PRKAG2: variants seen among roughly 807,000 people sequenced by gnomAD.
PRKAG2 encodes 5'-AMP-activated protein kinase subunit gamma-2.
A neutral mutation model predicts 69.6 loss-of-function variants in PRKAG2; 26 were observed. The observed-to-expected ratio is 0.37, with a 90% CI of 0.27 to 0.52. The LOEUF is 0.52. Among genes scored for constraint, PRKAG2 ranks in the 20% least tolerant of loss-of-function variants. The probability of loss-of-function intolerance (pLI) is 0.90; values close to 1 mark genes in which losing one functional copy is unlikely to be tolerated. For synonymous variants in PRKAG2, 293 were observed against 285.0 expected (o/e 1.03, Z -0.28); for missense variants, 557 against 740.0 (o/e 0.75, Z 2.87).
At position 151,583,449 on chromosome 7, in the gene PRKAG2, C is replaced by T. The variant is rs964993595; in HGVS notation, c.865-6997G>A. Among the ~76,000 whole-genome samples the T allele has an allele frequency of 6.6e-6, 1 of 152,312 alleles. No individual in the cohort carries two copies. Among genetic ancestry groups the T allele is most frequent in the East Asian group, 1.9e-4 (1 of 5,186 alleles). On this transcript the variant is annotated intron_variant, in intron 6 of 15. Coordinates refer to ENST00000287878, the MANE Select transcript of PRKAG2 (RefSeq NM_016203.4). This position sits in a 1 kb window ranked among gnomAD's most constrained non-coding sequence, Gnocchi z 4.1. ...ATTAAAGAGCAGTGTCCTGGGTGAG[C>T]TCGGGAGGGGCCTGACGCTTCTGTG...
chr7:151,604,186 G>C (rs1816925081), intron 5 of PRKAG2, among the ~76,000 whole-genome samples: 1 of 152,178 alleles, frequency 6.6e-6, no homozygotes, highest in South Asian at 2.1e-4. Context: ...CTCCCTGCGT[G>C]GGCTTCCTCC....
chr7:151,560,585 A>G lies in PRKAG2; in HGVS notation c.1617T>C (p.Asp539=). ...VHRLVVVNEA[D]SIVGIISLSD... ...ACAGGGAAATAATACCCACAATACT[A>G]TCTGCTTCATTTACCACCACCAGCC... is the stretch of plus-strand genomic sequence containing the variant. The change falls in exon 15 of 16, where the codon GAT becomes GAC. Residue 539 remains aspartate, a synonymous_variant. Coordinates refer to ENST00000287878, the MANE Select transcript of PRKAG2 (RefSeq NM_016203.4). The G allele has an allele frequency of 6.2e-7, 1 of 1,613,836 alleles. No individual in the cohort carries two copies. The highest frequency in any genetic ancestry group is 8.5e-7 in the Non-Finnish European group (1 of 1,179,734).
chr7:151,694,763 G>C (rs774587202), intron 3 of PRKAG2, among the ~76,000 whole-genome samples: 8 of 152,202 alleles, frequency 5.3e-5, no homozygotes, highest in Non-Finnish European at 7.4e-5. Context: ...GCCCCTCCTA[G>C]GTCTGCAGCT....
intron 1 of PRKAG2, among the ~76,000 whole-genome samples, chr7:151,872,561 G>A (rs1231925108): frequency 2.0e-5 from 3 of 152,224 alleles, no homozygotes; most frequent in African/African-American, 4.8e-5. Context: ...GGGTTACACT[G>A]TGGATCCCCA....
intron 15 of PRKAG2, 115 bp from the exon 16 acceptor site, chr7:151,557,347 G>A (rs531808525): frequency 2.2e-5 from 36 of 1,608,038 alleles, no homozygotes; most frequent in Non-Finnish European, 2.8e-5. Context: ...CAGAGGCTTC[G>A]GAGGAGGGCG....
At chr7:151,681,139 C>T (rs891663728) in intron 3 of PRKAG2, among the ~76,000 whole-genome samples, 8 of 152,194 alleles carry the variant, frequency 5.3e-5, no homozygotes, top group African/African-American at 1.9e-4. Flanking sequence ...CGTGTGAGTA[C>T]TGGAATGATC....
chr7:151,762,648 G>A (rs1586355313), intron 3 of PRKAG2, among the ~76,000 whole-genome samples: 1 of 152,216 alleles, frequency 6.6e-6, no homozygotes, highest in South Asian at 2.1e-4. Flanking sequence ...GCACCTCTGA[G>A]CTGTGTGCCG....
rs150249375 is a variant in PRKAG2 at position 151,704,039 on chromosome 7, A to G, written c.467-28402T>C. On this transcript the variant is annotated intron_variant, in intron 3 of 15. Transcript: ENST00000287878. Reference sequence around the variant, plus strand: ...ATTGCGCCATTGCACTCCAGCCTGGATGACAGACCGAGACTCTGTCTCAAA... The same window carrying G: ...ATTGCGCCATTGCACTCCAGCCTGGGTGACAGACCGAGACTCTGTCTCAAA... Among the ~76,000 whole-genome samples the G allele has an allele frequency of 7.9e-5, 12 of 151,886 alleles. No individual in the cohort carries two copies. The East Asian group carries it at 1.4e-3, about 17-fold the overall frequency.
At chr7:151,701,660 G>A (rs759810254) in intron 3 of PRKAG2, among the ~76,000 whole-genome samples, 1 of 152,052 alleles carries the variant, frequency 6.6e-6, no homozygotes, top group Admixed American at 6.5e-5. Flanking sequence ...TGGCTAACAC[G>A]GTGAAACCCC....
chr7:151,719,131 C>T lies in PRKAG2; in HGVS notation c.467-43494G>A, dbSNP rs1009923895. Among the ~76,000 whole-genome samples, 2 of 152,160 alleles carry T rather than the reference C, an allele frequency of 1.3e-5. No homozygotes were observed. Among genetic ancestry groups the T allele is most frequent in the Non-Finnish European group, 2.9e-5 (2 of 68,028 alleles). ...GCCACCCTGTTCCCCGAGCGTTGCT[C>T]CGGGAGACGAGATGTATCTTGCAAC... On this transcript the variant is annotated intron_variant, in intron 3 of 15. Coordinates refer to ENST00000287878, the MANE Select transcript of PRKAG2 (RefSeq NM_016203.4). The surrounding 1 kb of genome is among the most constrained non-coding windows in gnomAD (Gnocchi z 5.2).
chr7:151,806,872 A>ACGAGAAT (rs1278408255), intron 1 of PRKAG2: 1 of 415,338 alleles, frequency 2.4e-6, no homozygotes, highest in Non-Finnish European at 4.7e-6. Context: ...AGGCTGAGCC[A>ACGAGAAT]CGAGAATCGC....
intron 2 of PRKAG2, among the ~76,000 whole-genome samples, chr7:151,782,881 A>C (rs1349645564): frequency 6.6e-6 from 1 of 152,198 alleles, no homozygotes; most frequent in Non-Finnish European, 1.5e-5. Flanking sequence ...CTCAGAGATG[A>C]CCCAGTTCAG....
intron 3 of PRKAG2, among the ~76,000 whole-genome samples, chr7:151,717,872 T>C (rs1039896994): frequency 3.3e-5 from 5 of 152,232 alleles, no homozygotes; most frequent in African/African-American, 1.2e-4. Context: ...AGAAAGGAGC[T>C]GGCCTTGACC....
At chr7:151,786,357 G>C in intron 2 of PRKAG2, 113 bp downstream of exon 2, 1 of 1,020,322 alleles carries the variant, frequency 9.8e-7, no homozygotes, top group Non-Finnish European at 1.5e-6. Context: ...GTGTGCAAGC[G>C]GACATGCGGG....
At chr7:151,743,016 C>G (rs1460723300) in intron 3 of PRKAG2, among the ~76,000 whole-genome samples, 1 of 152,130 alleles carries the variant, frequency 6.6e-6, no homozygotes. Flanking sequence ...CACTCACAGG[C>G]GGATGGGGAC....
At chr7:151,672,074 A>G (rs1264669729) in intron 4 of PRKAG2, among the ~76,000 whole-genome samples, 1 of 150,462 alleles carries the variant, frequency 6.6e-6, no homozygotes. Context: ...CTGGGATTAC[A>G]GGCGTGAGCC....
Position 151,568,273 on chromosome 7 carries a change from G to T in PRKAG2, c.1233+443C>A, listed in dbSNP as rs533717046. 6.6e-4 allele frequency among the ~76,000 whole-genome samples: 100 copies of T among 152,278 alleles called. 1 individual carries two copies. The Middle Eastern group carries it at 0.02, about 31-fold the overall frequency. ...ATTTGCTTCGGGTTTTTCTATCACT[G>T]CTGCAGTTTATAAGATAATCTTGAG... On this transcript the variant is annotated intron_variant, in intron 11 of 15. Coordinates refer to ENST00000287878, the MANE Select transcript of PRKAG2 (RefSeq NM_016203.4).
chr7:151,786,356 CGGACATGCGGGT>C (rs1563672438), intron 2 of PRKAG2, 102 bp downstream of exon 2: 1 of 1,017,232 alleles, frequency 9.8e-7, no homozygotes, highest in African/African-American at 1.6e-5. Flanking sequence ...GGTGTGCAAG[CGGACATGCGGGT>C]GGGCGTGAGG....
chr7:151,661,948 C>T (rs1387888607), intron 4 of PRKAG2, among the ~76,000 whole-genome samples: 7 of 152,170 alleles, frequency 4.6e-5, no homozygotes, highest in African/African-American at 1.2e-4. Context: ...GGGACAGTCC[C>T]GGTTCTGAGC....
Sources: allele counts gnomAD v4.1 joint callset (sites outside exome capture counted in the v4.1 genomes callset), GRCh38; gene constraint gnomAD v4.1.1; non-coding constraint Gnocchi (gnomAD v3.1); transcripts MANE v1.5; gene names NCBI Gene and HGNC (gene_info 2026-07-23, HGNC 2026-07-21).